The following FASTKD2 variants were observed in gnomAD, a reference collection of about 807,000 sequenced individuals.
The protein encoded by FASTKD2 is FAST kinase domain-containing protein 2, mitochondrial.
In FASTKD2, 51 loss-of-function variants were observed where a neutral mutation model predicts 63.6. The observed-to-expected ratio is 0.80, with a 90% CI of 0.64 to 1.01. The LOEUF is 1.01. Ranked by LOEUF, FASTKD2 falls within the 50% of genes least tolerant of loss-of-function variation. The pLI, the probability that FASTKD2 is intolerant of heterozygous loss-of-function variation, is 0.00. For synonymous variants in FASTKD2, 284 were observed against 293.4 expected (o/e 0.97, Z 0.33); for missense variants, 786 against 831.1 (o/e 0.95, Z 0.67).
intron 6 of FASTKD2, among the ~76,000 whole-genome samples, chr2:206,773,270 G>A (rs1273487325): frequency 7.1e-6 from 1 of 141,592 alleles, no homozygotes; most frequent in African/African-American, 2.7e-5. Flanking sequence ...AGCTGAGATT[G>A]TGCCACTGTA....
At chr2:206,769,074 C>T (rs1224656383) in intron 2 of FASTKD2, among the ~76,000 whole-genome samples, 1 of 152,174 alleles carries the variant, frequency 6.6e-6, no homozygotes, top group African/African-American at 2.4e-5. Context: ...GTAGTCAAAA[C>T]ATCTGTATGG....
At chr2:206,784,048 C>T (rs1246730293) in intron 7 of FASTKD2, among the ~76,000 whole-genome samples, 1 of 152,216 alleles carries the variant, frequency 6.6e-6, no homozygotes, top group East Asian at 1.9e-4. Context: ...TCTAAGCCTC[C>T]CACCTCAACA....
At chr2:206,783,141 C>G (rs1045550164) in intron 7 of FASTKD2, 4 of 152,414 alleles carry the variant, frequency 2.6e-5, no homozygotes, top group Non-Finnish European at 5.9e-5. Context: ...AACTAAAAAG[C>G]AGCTTCCCAC....
intron 7 of FASTKD2, chr2:206,783,097 TA>T (rs1363959303): frequency 6.6e-6 from 1 of 152,318 alleles, no homozygotes; most frequent in African/African-American, 2.4e-5. Flanking sequence ...GCCCATCCCT[TA>T]GGGGCAGTTA....
chr2:206,767,022 A>C lies in FASTKD2; in HGVS notation c.329A>C (p.Lys110Thr). ...AGAATTGAAAGACTACTTTATGCTA[A>C]AAGACTGTTTTTTGACTCAAAGCAG... Reference protein sequence around the residue: ...ALRIERLLYAKRLFFDSKQSL... With the variant: ...ALRIERLLYATRLFFDSKQSL... The change falls in exon 2 of 12, where the codon AAA becomes ACA. Residue 110 changes from lysine to threonine, a missense_variant. Physicochemically the swap from Lys to Thr is moderately conservative, Grantham distance 78. Transcript: ENST00000402774. 1 of 1,613,938 alleles carries C rather than the reference A, an allele frequency of 6.2e-7. No individual in the cohort carries two copies. Among genetic ancestry groups the C allele is most frequent in the Non-Finnish European group, 8.5e-7 (1 of 1,179,824 alleles).
chr2:206,770,225 G>T (rs770324688), intron 3 of FASTKD2, 31 bp downstream of exon 3: 8 of 1,321,254 alleles, frequency 6.1e-6, no homozygotes, highest in Non-Finnish European at 8.8e-6. Context: ...TCTTCATGTG[G>T]TTTTCTTTGT....
intron 7 of FASTKD2, among the ~76,000 whole-genome samples, chr2:206,785,311 T>C (rs1690112135): frequency 6.6e-6 from 1 of 151,888 alleles, no homozygotes; most frequent in Non-Finnish European, 1.5e-5. Flanking sequence ...TATTTGGAAA[T>C]AGAGGAAGGA....
At position 206,771,161 on chromosome 2, in the gene FASTKD2, A is replaced by G. The variant is rs1257195794; in HGVS notation, c.882-21A>G. On this transcript the variant is annotated intron_variant, in intron 3 of 11. Transcript: ENST00000402774. ...GCTTTGAAGATTCTATGATTTTAAT[A>G]TTTATTGTGTTTGATAACAGAATAC... The G allele has an allele frequency of 3.8e-6, 5 of 1,320,188 alleles. No homozygotes were observed. The South Asian group carries it at 5.9e-5, about 16-fold the overall frequency. The allele number at this position is 1,320,188 out of a possible 1,614,324, so 81.8% of individuals were successfully genotyped here.
At chr2:206,771,334 C>A in intron 4 of FASTKD2, 44 bp downstream of exon 4, 1 of 1,197,814 alleles carries the variant, frequency 8.3e-7, no homozygotes, top group Non-Finnish European at 1.2e-6. Context: ...TTGAAAAAAT[C>A]TTTCTTATAA....
At chr2:206,780,982 T>C (rs964698401) in intron 7 of FASTKD2, among the ~76,000 whole-genome samples, 3 of 152,230 alleles carry the variant, frequency 2.0e-5, no homozygotes, top group Non-Finnish European at 2.9e-5. Flanking sequence ...CAATTCTTTG[T>C]TGATACTCTT....
At chr2:206,775,768 G>C (rs969453508) in intron 7 of FASTKD2, among the ~76,000 whole-genome samples, 4 of 151,746 alleles carry the variant, frequency 2.6e-5, no homozygotes, top group Non-Finnish European at 5.9e-5. Context: ...TCTTTACTAG[G>C]TAGTAGTTCT....
Position 206,795,944 on chromosome 2 carries a change from T to C in FASTKD2, c.*4142T>C, listed in dbSNP as rs755060762. 1.2e-4 allele frequency among the ~76,000 whole-genome samples: 18 copies of C among 152,130 alleles called. No individual in the cohort carries two copies. The highest frequency in any genetic ancestry group is 2.5e-4 in the Non-Finnish European group (17 of 68,014). ...ATAGCATCTCTTCTGGACAGCCAGT[T>C]ATGTGATAGTGTTCTGAGAGTCATT... On this transcript the variant is annotated 3_prime_UTR_variant, in exon 12 of 12. Transcript: ENST00000402774.
chr2:206,771,290 G>GGTAAACA lies in FASTKD2; in HGVS notation c.990+1_990+7dup, dbSNP rs1689673331. On this transcript the variant is annotated frameshift_variant and splice_region_variant. Coordinates refer to ENST00000402774, the MANE Select transcript of FASTKD2 (RefSeq NM_001136193.2). LOFTEE classifies it high-confidence loss of function. ...CGATTGCTCTTAAGAGGAAACTGGA[G>GGTAAACA]GTAAACACATGAATTTTCTCTAGTG... 3 of 1,554,466 alleles carry GGTAAACA rather than the reference G, an allele frequency of 1.9e-6. No homozygotes were observed. Among genetic ancestry groups the GGTAAACA allele is most frequent in the South Asian group, 1.1e-5 (1 of 89,836 alleles).
chr2:206,789,661 C>T (rs565667990), intron 10 of FASTKD2: 18 of 152,362 alleles, frequency 1.2e-4, no homozygotes, highest in African/African-American at 4.1e-4. Flanking sequence ...CTTATCTGCC[C>T]ATCCCTCTTC....
chr2:206,787,794 G>C (rs1167562868), intron 8 of FASTKD2, 143 bp from the exon 9 acceptor site: 8 of 362,176 alleles, frequency 2.2e-5, no homozygotes, highest in Non-Finnish European at 3.4e-5. Flanking sequence ...GAGTCCTTGT[G>C]ATAAGAAAGA....
chr2:206,778,580 G>C (rs1689882765), intron 7 of FASTKD2, among the ~76,000 whole-genome samples: 1 of 152,114 alleles, frequency 6.6e-6, no homozygotes, highest in Non-Finnish European at 1.5e-5. Context: ...CTGTTCTTGA[G>C]AATGATCTAT....
intron 11 of FASTKD2, 94 bp from the exon 12 acceptor site, chr2:206,791,589 G>A: frequency 8.5e-7 from 1 of 1,180,026 alleles, no homozygotes; most frequent in Non-Finnish European, 1.3e-6. Flanking sequence ...AAAAGCTATT[G>A]TCCTCATGTT....
At chr2:206,790,906 G>A in intron 11 of FASTKD2, 1 of 505,844 alleles carries the variant, frequency 2.0e-6, no homozygotes, top group Non-Finnish European at 3.6e-6. Context: ...TTTTACAAAT[G>A]TTGTTCTGGT....
In FASTKD2 at chr2:206,793,220, CAAAAAAAAAAAAAAAAAAAAA is replaced by C. The variant is rs58656956; in HGVS notation, c.*1429_*1449del. ...CTGACCACAGAGCGAGACTCTGTCT[CAAAAAAAAAAAAAAAAAAAAA>C]AAAAAAAAAATACAAAAACTATAGC... On this transcript the variant is annotated 3_prime_UTR_variant, in exon 12 of 12. Coordinates refer to ENST00000402774, the MANE Select transcript of FASTKD2 (RefSeq NM_001136193.2). Among the ~76,000 whole-genome samples, 1 of 65,820 alleles carries C rather than the reference CAAAAAAAAAAAAAAAAAAAAA, an allele frequency of 1.5e-5. No individual in the cohort carries two copies. The highest frequency in any genetic ancestry group is 6.2e-5 in the African/African-American group (1 of 16,218). 43.2% of individuals were successfully genotyped at this position (65,820 alleles called of 152,430 possible).
Sources: allele counts gnomAD v4.1 joint callset (sites outside exome capture counted in the v4.1 genomes callset), GRCh38; gene constraint gnomAD v4.1.1; transcripts MANE v1.5; gene names NCBI Gene and HGNC (gene_info 2026-07-23, HGNC 2026-07-21).